Variants in PDE8A observed in about 807,000 individuals in gnomAD.
PDE8A encodes phosphodiesterase 8A, also known as high affinity cAMP-specific and IBMX-insensitive 3',5'-cyclic phosphodiesterase 8A.
Under a neutral mutation model 105.0 loss-of-function variants are expected in PDE8A, and 59 were observed. The ratio of observed to expected loss-of-function variants is 0.56; its 90% CI spans 0.46 to 0.70. The LOEUF is 0.70. Among genes scored for constraint, PDE8A ranks in the 30% least tolerant of loss-of-function variants. The pLI is 0.00. For missense variants in PDE8A, 1,014 were observed against 1,045.9 expected, an observed-to-expected ratio of 0.97 and a Z score of 0.42; for synonymous variants, 355 against 371.9, an observed-to-expected ratio of 0.95 and a Z score of 0.52.
intron 1 of PDE8A, among the ~76,000 whole-genome samples, chr15:85,020,812 C>T (rs1010648666): frequency 1.3e-5 from 2 of 152,044 alleles, no homozygotes; most frequent in Admixed American, 6.6e-5. Context: ...GTTGCATACC[C>T]GATGCCCCTT....
At chr15:85,111,098 G>A (rs1054363357) in intron 12 of PDE8A, among the ~76,000 whole-genome samples, 2 of 151,986 alleles carry the variant, frequency 1.3e-5, no homozygotes, top group Non-Finnish European at 2.9e-5. Flanking sequence ...TGGTTTGTAG[G>A]GATTCTGTAT....
Position 85,114,110 on chromosome 15 carries a change from A to G in PDE8A, c.1350+73A>G, listed in dbSNP as rs1373984071. The G allele has an allele frequency of 5.3e-6, 7 of 1,316,400 alleles. No homozygotes were observed. The Admixed American group carries it at 1.1e-4, about 20-fold the overall frequency. The allele number at this position is 1,316,400 out of a possible 1,614,324, so 81.5% of individuals were successfully genotyped here. A position where few individuals can be genotyped will look rare whatever the true frequency, so the allele number is the denominator to read the frequency against. On this transcript the variant is annotated intron_variant, in intron 14 of 21. Transcript: ENST00000394553. ...TTGTTTTCTCAGAGGTTATTCACTT[A>G]AACAGATATTGAAGAGGCAGGCAGG...
intron 1 of PDE8A, among the ~76,000 whole-genome samples, chr15:85,006,846 G>T (rs1287461716): frequency 6.6e-6 from 1 of 152,136 alleles, no homozygotes; most frequent in Non-Finnish European, 1.5e-5. Context: ...TCTGGCATTA[G>T]AGACTTTTGA....
At chr15:85,124,727 G>T (rs2082233120) in intron 19 of PDE8A, among the ~76,000 whole-genome samples, 1 of 152,160 alleles carries the variant, frequency 6.6e-6, no homozygotes, top group Non-Finnish European at 1.5e-5. Context: ...TAACAGAGGT[G>T]CCTGTACCAG....
At chr15:85,018,113 G>A (rs2080359399) in intron 1 of PDE8A, among the ~76,000 whole-genome samples, 1 of 152,166 alleles carries the variant, frequency 6.6e-6, no homozygotes, top group African/African-American at 2.4e-5. Flanking sequence ...TAGAGCAACA[G>A]AAGTGGCAGT....
chr15:85,006,626 A>G (rs1025358572), intron 1 of PDE8A, among the ~76,000 whole-genome samples: 2 of 152,106 alleles, frequency 1.3e-5, no homozygotes, highest in Non-Finnish European at 2.9e-5. Flanking sequence ...TATTGGAGAA[A>G]TAGAGTTTTT....
chr15:85,092,143 C>CCATG (rs1417224674), intron 8 of PDE8A, among the ~76,000 whole-genome samples: 1 of 152,124 alleles, frequency 6.6e-6, no homozygotes, highest in Admixed American at 6.5e-5. Context: ...CATGAAGACA[C>CCATG]CATGAATGGG....
At chr15:84,989,904 C>T (rs1338839576) in intron 1 of PDE8A, among the ~76,000 whole-genome samples, 1 of 152,184 alleles carries the variant, frequency 6.6e-6, no homozygotes, top group Non-Finnish European at 1.5e-5. Flanking sequence ...CATCTGGATT[C>T]TGCAGTTAAC....
chr15:85,094,091 A>G (rs577423293), intron 8 of PDE8A, among the ~76,000 whole-genome samples: 2 of 152,110 alleles, frequency 1.3e-5, no homozygotes, highest in African/African-American at 4.8e-5. Flanking sequence ...TCAAACTCCT[A>G]GGCTCAAGCA....
At chr15:85,075,806 T>G in intron 3 of PDE8A, 56 bp from the exon 4 acceptor site, 2 of 929,254 alleles carry the variant, frequency 2.2e-6, no homozygotes, top group Non-Finnish European at 3.3e-6. Flanking sequence ...TTTAAGTATA[T>G]TTGGTTTTTA....
intron 1 of PDE8A, among the ~76,000 whole-genome samples, chr15:85,003,610 T>C (rs1596427135): frequency 1.3e-5 from 2 of 152,222 alleles, no homozygotes; most frequent in Admixed American, 1.3e-4. Flanking sequence ...TTATATGTAA[T>C]GATAGTTTTT....
At chr15:85,104,744 T>G (rs2081921976) in intron 11 of PDE8A, among the ~76,000 whole-genome samples, 1 of 152,168 alleles carries the variant, frequency 6.6e-6, no homozygotes, top group Non-Finnish European at 1.5e-5. Context: ...AGATTTGAAC[T>G]TACCACATCT....
intron 1 of PDE8A, among the ~76,000 whole-genome samples, chr15:85,051,379 C>A (rs530093208): frequency 1.4e-4 from 22 of 152,244 alleles, no homozygotes; most frequent in African/African-American, 5.3e-4. Flanking sequence ...TGTTCCTGAT[C>A]TTAGAGGAAA....
intron 9 of PDE8A, among the ~76,000 whole-genome samples, chr15:85,098,362 A>AT (rs2081796330): frequency 6.6e-6 from 1 of 152,234 alleles, no homozygotes; most frequent in African/African-American, 2.4e-5. Flanking sequence ...TATTGAAAAG[A>AT]TTTTTTATCT....
intron 12 of PDE8A, 46 bp from the exon 13 acceptor site, chr15:85,113,331 G>T (rs1238923029): frequency 6.6e-7 from 1 of 1,513,846 alleles, no homozygotes; most frequent in Admixed American, 1.7e-5. Flanking sequence ...CAAGACAGGT[G>T]CCCAGAGTTG....
At chr15:85,126,651 C>G (rs1029540193) in intron 20 of PDE8A, among the ~76,000 whole-genome samples, 1 of 151,302 alleles carries the variant, frequency 6.6e-6, no homozygotes, top group Non-Finnish European at 1.5e-5. Context: ...TCTTCATATT[C>G]TTTCTGAGTA....
intron 1 of PDE8A, among the ~76,000 whole-genome samples, chr15:85,001,392 A>C (rs1298868961): frequency 3.9e-5 from 6 of 152,226 alleles, no homozygotes. Context: ...AAAAAAAGGC[A>C]AGACTAAGAT....
intron 1 of PDE8A, among the ~76,000 whole-genome samples, chr15:85,023,964 C>G (rs956893879): frequency 6.6e-6 from 1 of 152,028 alleles, no homozygotes; most frequent in African/African-American, 2.4e-5. Context: ...ACTGGCTGTC[C>G]ACAGCCTCCA....
chr15:85,079,132 C>T (rs2081425644), intron 5 of PDE8A, among the ~76,000 whole-genome samples: 1 of 152,118 alleles, frequency 6.6e-6, no homozygotes, highest in African/African-American at 2.4e-5. Flanking sequence ...CACACTTATG[C>T]ATATATGTAT....
Sources: allele counts gnomAD v4.1 joint callset (sites outside exome capture counted in the v4.1 genomes callset), GRCh38; gene constraint gnomAD v4.1.1; transcripts MANE v1.5; gene names NCBI Gene and HGNC (gene_info 2026-07-23, HGNC 2026-07-21).